Variants in LINGO2 observed in about 807,000 individuals in gnomAD.
LINGO2 encodes leucine rich repeat and Ig domain containing 2, also known as leucine-rich repeat and immunoglobulin-like domain-containing nogo receptor-interacting protein 2.
A neutral mutation model predicts 30.6 loss-of-function variants in LINGO2; 14 were observed. That is an observed-to-expected ratio of 0.46 (90% CI 0.30 to 0.72). The LOEUF is 0.72. Ranked by LOEUF, LINGO2 falls within the 30% of genes least tolerant of loss-of-function variation. LINGO2 has a pLI of 0.07. For missense variants in LINGO2, 729 were observed against 751.7 expected (o/e 0.97, Z 0.35); for synonymous variants, 317 against 288.5 (o/e 1.10, Z -1.00).
the LINGO2 span, among the ~76,000 whole-genome samples, chr9:29,053,517 A>T: frequency 5.3e-5 from 8 of 152,200 alleles, no homozygotes; most frequent in Non-Finnish European, 1.2e-4. Context: ...CATATGTAAC[A>T]AACCTGCACG....
At chr9:28,737,571 A>G in the LINGO2 span, among the ~76,000 whole-genome samples, 1 of 152,320 alleles carries the variant, frequency 6.6e-6, no homozygotes, top group Middle Eastern at 3.4e-3. Flanking sequence ...AAAGCACGGC[A>G]GAGCAAGTAT....
At chr9:28,681,415 A>G in the LINGO2 span, among the ~76,000 whole-genome samples, 1 of 152,122 alleles carries the variant, frequency 6.6e-6, no homozygotes, top group African/African-American at 2.4e-5. Context: ...GTCCTCATAG[A>G]AGCCATTACA....
intron 4 of LINGO2, among the ~76,000 whole-genome samples, chr9:28,085,025 A>G (rs112415966): frequency 6.6e-6 from 1 of 152,158 alleles, no homozygotes; most frequent in East Asian, 1.9e-4. Context: ...TTTAATCTTT[A>G]AAACAGTCTG....
At chr9:28,512,299 T>C (rs1246806874) in intron 1 of LINGO2, among the ~76,000 whole-genome samples, 1 of 151,818 alleles carries the variant, frequency 6.6e-6, no homozygotes, top group Non-Finnish European at 1.5e-5. Context: ...GAGCTGACTC[T>C]CAAAAGGAGA....
the LINGO2 span, among the ~76,000 whole-genome samples, chr9:28,728,738 G>A: frequency 6.6e-6 from 1 of 151,954 alleles, no homozygotes; most frequent in African/African-American, 2.4e-5. Flanking sequence ...CAAAAAGAGA[G>A]CAAACAAAGG....
chr9:27,977,786 G>GA (rs1323669859), intron 5 of LINGO2, among the ~76,000 whole-genome samples: 34 of 147,642 alleles, frequency 2.3e-4, no homozygotes, highest in African/African-American at 7.1e-4. Context: ...CTTCCCAGGG[G>GA]AAAGAAAAAA....
intron 4 of LINGO2, among the ~76,000 whole-genome samples, chr9:28,086,559 A>T (rs1825921549): frequency 6.6e-6 from 1 of 152,084 alleles, no homozygotes; most frequent in Admixed American, 6.6e-5. Flanking sequence ...GCCTAATGAA[A>T]GGGGAAGAAA....
intron 4 of LINGO2, among the ~76,000 whole-genome samples, chr9:28,257,808 T>C (rs1470507403): frequency 6.6e-6 from 1 of 151,912 alleles, no homozygotes; most frequent in Non-Finnish European, 1.5e-5. Context: ...TGGGTTTAAT[T>C]TGTTGGTCTG....
At chr9:28,371,772 G>A (rs1198536650) in intron 3 of LINGO2, among the ~76,000 whole-genome samples, 3 of 152,036 alleles carry the variant, frequency 2.0e-5, no homozygotes, top group Admixed American at 6.6e-5. Context: ...GGTAGTTATC[G>A]CCCTGATGAT....
chr9:28,309,515 T>C (rs1449486035), intron 3 of LINGO2, among the ~76,000 whole-genome samples: 2 of 151,724 alleles, frequency 1.3e-5, no homozygotes, highest in Admixed American at 6.6e-5. Flanking sequence ...CACACCAGCA[T>C]GGCACATGTA....
chr9:29,083,352 A>G, the LINGO2 span, among the ~76,000 whole-genome samples: 1 of 152,210 alleles, frequency 6.6e-6, no homozygotes, highest in East Asian at 1.9e-4. Flanking sequence ...CAAACACCGC[A>G]TGTTCTCACA....
chr9:29,034,238 C>T, the LINGO2 span, among the ~76,000 whole-genome samples: 1 of 151,930 alleles, frequency 6.6e-6, no homozygotes, highest in African/African-American at 2.4e-5. Flanking sequence ...CATATAACAT[C>T]TTTGTAAACA....
At chr9:29,196,990 T>C in the LINGO2 span, among the ~76,000 whole-genome samples, 1 of 152,072 alleles carries the variant, frequency 6.6e-6, no homozygotes, top group Non-Finnish European at 1.5e-5. Context: ...AATACCTTCT[T>C]TTTTAAATTT....
chr9:28,636,525 G>C (rs1316572656), intron 1 of LINGO2, among the ~76,000 whole-genome samples: 7 of 152,178 alleles, frequency 4.6e-5, no homozygotes, highest in African/African-American at 1.7e-4. Context: ...TCTAACTGGT[G>C]TGAGATGGTA....
At chr9:28,874,664 C>G in the LINGO2 span, among the ~76,000 whole-genome samples, 1 of 151,974 alleles carries the variant, frequency 6.6e-6, no homozygotes, top group Non-Finnish European at 1.5e-5. Flanking sequence ...CTTCAGGGTC[C>G]ACGCTTTTTT....
At chr9:28,999,708 C>G in the LINGO2 span, among the ~76,000 whole-genome samples, 1 of 151,780 alleles carries the variant, frequency 6.6e-6, no homozygotes, top group Non-Finnish European at 1.5e-5. Context: ...GTTAGAGTGT[C>G]CATGGTTAGG....
chr9:28,052,303 AAC>A (rs1824714114), intron 4 of LINGO2, among the ~76,000 whole-genome samples: 1 of 152,118 alleles, frequency 6.6e-6, no homozygotes, highest in African/African-American at 2.4e-5. Context: ...TTAAAGTGCT[AAC>A]ACAGCAATTA....
At chr9:29,122,644 A>C in the LINGO2 span, among the ~76,000 whole-genome samples, 1 of 152,168 alleles carries the variant, frequency 6.6e-6, no homozygotes, top group Non-Finnish European at 1.5e-5. Context: ...AGATCTTTTT[A>C]AAATCTACAT....
chr9:28,629,116 G>A (rs1374392635), intron 1 of LINGO2, among the ~76,000 whole-genome samples: 1 of 152,096 alleles, frequency 6.6e-6, no homozygotes, highest in Non-Finnish European at 1.5e-5. Flanking sequence ...GAACTAGTAT[G>A]AGACCATGAG....
Sources: allele counts gnomAD v4.1 joint callset (sites outside exome capture counted in the v4.1 genomes callset), GRCh38; gene constraint gnomAD v4.1.1; transcripts MANE v1.5; gene names NCBI Gene and HGNC (gene_info 2026-07-23, HGNC 2026-07-21).